Variants in CYP19A1 observed in about 807,000 individuals in gnomAD.
CYP19A1 encodes aromatase.
A neutral mutation model predicts 44.4 loss-of-function variants in CYP19A1; 32 were observed. That is an observed-to-expected ratio of 0.72 (90% CI 0.54 to 0.97). The LOEUF (loss-of-function observed/expected upper bound fraction) is 0.97, where lower values mean the gene tolerates loss of function less well. Among genes scored for constraint, CYP19A1 ranks in the 50% least tolerant of loss-of-function variants. The pLI, the probability that CYP19A1 is intolerant of heterozygous loss-of-function variation, is 0.00. For missense variants in CYP19A1, 598 were observed against 637.8 expected (o/e 0.94, Z 0.67); for synonymous variants, 212 against 215.6 (o/e 0.98, Z 0.14).
chr15:51,258,377 C>A (rs905044443), intron 1 of CYP19A1, among the ~76,000 whole-genome samples: 6 of 152,224 alleles, frequency 3.9e-5, no homozygotes, highest in Admixed American at 2.0e-4. Context: ...TTGTATATGA[C>A]TACATTTGGC....
intron 1 of CYP19A1, among the ~76,000 whole-genome samples, chr15:51,267,662 G>A (rs965130563): frequency 6.6e-6 from 1 of 152,242 alleles, no homozygotes; most frequent in Non-Finnish European, 1.5e-5. Context: ...AAGCTCTCAA[G>A]CATCCACTGT....
chr15:51,307,215 T>A (rs1451246267), intron 1 of CYP19A1, among the ~76,000 whole-genome samples: 1 of 152,000 alleles, frequency 6.6e-6, no homozygotes, highest in African/African-American at 2.4e-5. Flanking sequence ...CTGGTGAGAG[T>A]TGATGGCACT....
At chr15:51,305,571 T>C (rs758167762) in intron 1 of CYP19A1, among the ~76,000 whole-genome samples, 4 of 151,982 alleles carry the variant, frequency 2.6e-5, no homozygotes, top group Non-Finnish European at 5.9e-5. Flanking sequence ...TTTTCGTTTG[T>C]TTGTTTTGAG....
chr15:51,317,599 C>T (rs1405933213), intron 1 of CYP19A1, among the ~76,000 whole-genome samples: 2 of 152,160 alleles, frequency 1.3e-5, no homozygotes, highest in South Asian at 2.1e-4. Context: ...ACACAGAATG[C>T]AAGAACATTC....
At chr15:51,271,094 C>A (rs1276697980) in intron 1 of CYP19A1, among the ~76,000 whole-genome samples, 1 of 152,102 alleles carries the variant, frequency 6.6e-6, no homozygotes, top group Non-Finnish European at 1.5e-5. Context: ...CTCCTTGGAA[C>A]CACGTGGCTC....
chr15:51,294,140 TGGGATGTG>T (rs2035918096), intron 1 of CYP19A1, among the ~76,000 whole-genome samples: 4 of 128,744 alleles, frequency 3.1e-5, no homozygotes, highest in African/African-American at 1.5e-4. Context: ...GCCCATCGTC[TGGGATGTG>T]AGGAGCCCCT....
intron 1 of CYP19A1, among the ~76,000 whole-genome samples, chr15:51,336,767 T>G (rs1418341255): frequency 6.6e-6 from 1 of 152,224 alleles, no homozygotes; most frequent in Non-Finnish European, 1.5e-5. Context: ...TGCCTTTTAA[T>G]GGAAAAACTA....
At chr15:51,280,407 CCTT>C (rs1488112079) in intron 1 of CYP19A1, among the ~76,000 whole-genome samples, 113 of 152,202 alleles carry the variant, frequency 7.4e-4, no homozygotes, top group African/African-American at 2.5e-3. Context: ...CAAAGCCTGC[CCTT>C]CTTCTTATCT....
chr15:51,277,952 GA>G (rs1422634316), intron 1 of CYP19A1: 17 of 123,968 alleles, frequency 1.4e-4, no homozygotes, highest in African/African-American at 6.5e-4. Context: ...ATAGTTGCAT[GA>G]GTTTTTTTTT....
chr15:51,289,872 A>C (rs1217909913), intron 1 of CYP19A1, among the ~76,000 whole-genome samples: 1 of 152,164 alleles, frequency 6.6e-6, no homozygotes, highest in Non-Finnish European at 1.5e-5. Context: ...AACATCCTAC[A>C]CAGCATTCAT....
At chr15:51,301,743 G>T (rs2036118920) in intron 1 of CYP19A1, among the ~76,000 whole-genome samples, 1 of 152,148 alleles carries the variant, frequency 6.6e-6, no homozygotes, top group African/African-American at 2.4e-5. Context: ...GTTACTGCTG[G>T]CTAAATTCAG....
intron 1 of CYP19A1, among the ~76,000 whole-genome samples, chr15:51,284,665 A>G (rs576670586): frequency 2.6e-5 from 4 of 152,360 alleles, no homozygotes; most frequent in African/African-American, 7.2e-5. Context: ...ATTAACATTA[A>G]AATTTTTAAA....
chr15:51,256,085 G>T (rs1489888774), intron 1 of CYP19A1, among the ~76,000 whole-genome samples: 1 of 152,230 alleles, frequency 6.6e-6, no homozygotes, highest in Non-Finnish European at 1.5e-5. Flanking sequence ...GGGCAAGGCA[G>T]AGTATCTTTA....
chr15:51,306,247 A>T (rs916179822), intron 1 of CYP19A1, among the ~76,000 whole-genome samples: 3 of 152,202 alleles, frequency 2.0e-5, no homozygotes, highest in African/African-American at 7.2e-5. Context: ...GGGTACACAC[A>T]AGCACTGCCA....
At chr15:51,259,515 G>T (rs1483263681) in intron 1 of CYP19A1, among the ~76,000 whole-genome samples, 1 of 152,178 alleles carries the variant, frequency 6.6e-6, no homozygotes, top group Non-Finnish European at 1.5e-5. Context: ...AGCTTTTCTT[G>T]TTGAGTTGCC....
intron 1 of CYP19A1, among the ~76,000 whole-genome samples, chr15:51,313,351 G>A (rs1330427070): frequency 6.6e-6 from 1 of 151,984 alleles, no homozygotes; most frequent in East Asian, 1.9e-4. Flanking sequence ...GGGTGGTGGG[G>A]AGCAGAGCAG....
intron 1 of CYP19A1, among the ~76,000 whole-genome samples, chr15:51,267,864 C>G (rs1334426173): frequency 6.6e-6 from 1 of 152,228 alleles, no homozygotes; most frequent in Non-Finnish European, 1.5e-5. Flanking sequence ...GTGCCCACCC[C>G]AGCTTAGCAG....
At chr15:51,269,022 G>A (rs2035029102) in intron 1 of CYP19A1, among the ~76,000 whole-genome samples, 1 of 152,008 alleles carries the variant, frequency 6.6e-6, no homozygotes, top group Non-Finnish European at 1.5e-5. Context: ...GTCTATTGAG[G>A]ATTAAGTTTT....
At chr15:51,215,849 T>C (rs557347778) in intron 6 of CYP19A1, 32 bp from the exon 7 acceptor site, 2 of 1,611,892 alleles carry the variant, frequency 1.2e-6, no homozygotes, top group African/African-American at 2.7e-5. Context: ...TGTCTATTTT[T>C]ACTCAGTTTA....
Sources: gnomAD v4.1 joint callset for allele counts (sites outside exome capture counted in the v4.1 genomes callset) on GRCh38, gnomAD v4.1.1 for gene constraint, MANE v1.5 for transcripts, NCBI Gene and HGNC (gene_info 2026-07-23, HGNC 2026-07-21) for gene names.